PTPRO: variants seen among roughly 807,000 people sequenced by gnomAD.
The protein encoded by PTPRO is protein tyrosine phosphatase receptor type O.
PTPRO carries 62 observed loss-of-function variants against 145.2 expected under a neutral mutation model. The observed-to-expected ratio is 0.43, with a 90% CI of 0.35 to 0.53. The LOEUF is 0.53. Ranked by LOEUF, PTPRO falls within the 20% of genes least tolerant of loss-of-function variation. The pLI, the probability that PTPRO is intolerant of heterozygous loss-of-function variation, is 0.01. For missense variants in PTPRO, 1,345 were observed against 1,482.7 expected, an observed-to-expected ratio of 0.91 and a Z score of 1.53; for synonymous variants, 565 against 514.7, an observed-to-expected ratio of 1.10 and a Z score of -1.32.
At chr12:15,581,548 C>A in intron 22 of PTPRO, 131 bp from the exon 23 acceptor site, 15 of 1,032,398 alleles carry the variant, frequency 1.5e-5, no homozygotes, top group Non-Finnish European at 2.0e-5. Context: ...AAATGGTTTG[C>A]TTTATGTTTC....
At chr12:15,458,436 C>T (rs1121612) in intron 1 of PTPRO, among the ~76,000 whole-genome samples, 134,677 of 151,982 alleles carry the variant, frequency 0.89, 61,505 homozygotes, top group Non-Finnish European at 0.99. Context: ...TTTCTTTCCA[C>T]TTCTGTCTCT....
At chr12:15,566,993 A>G (rs1943915879) in intron 18 of PTPRO, among the ~76,000 whole-genome samples, 1 of 152,186 alleles carries the variant, frequency 6.6e-6, no homozygotes, top group South Asian at 2.1e-4. Flanking sequence ...GGTGAGCTAA[A>G]GAGGCAGAGA....
At chr12:15,508,497 T>G in intron 6 of PTPRO, 74 bp from the exon 7 acceptor site, 1 of 1,463,802 alleles carries the variant, frequency 6.8e-7, no homozygotes, top group South Asian at 1.2e-5. Context: ...AAAACATGAT[T>G]TTTTAAACCA....
intron 1 of PTPRO, among the ~76,000 whole-genome samples, chr12:15,383,184 C>A (rs1938918293): frequency 6.6e-6 from 1 of 152,166 alleles, no homozygotes; most frequent in Admixed American, 6.5e-5. Context: ...AGTTTGACTT[C>A]TTTTTGATTC....
At position 15,551,665 on chromosome 12, in the gene PTPRO, T is replaced by C. The variant is rs1434184399; in HGVS notation, c.2552T>C (p.Met851Thr). 1 of 1,613,224 alleles carries C rather than the reference T, an allele frequency of 6.2e-7. No homozygotes were observed. Among genetic ancestry groups the C allele is most frequent in the Non-Finnish European group, 8.5e-7 (1 of 1,179,530 alleles). ...LIILRKKHLQ[M>T]ARECGAGTFV... is the part of the protein sequence containing the mutation. ...ATTCTTAGGAAAAAGCATCTGCAGA[T>C]GGCTAGGTAAGTTAAGTTTTACTAA... The change falls in exon 15 of 27, where the codon ATG becomes ACG. Residue 851 changes from methionine to threonine, a missense_variant. Met to Thr is a moderately conservative substitution (Grantham distance 81, BLOSUM62 -1). Coordinates refer to ENST00000281171, the MANE Select transcript of PTPRO (RefSeq NM_030667.3).
In PTPRO at chr12:15,566,646, C is replaced by G. The variant is rs534798124; in HGVS notation, c.2747+1018C>G. Reference sequence around the variant, plus strand: ...AGTGATTCTCCTGCCTCAGCCTCCCCAGTAGCTAATACTACAGGCACACGC... The same window carrying G: ...AGTGATTCTCCTGCCTCAGCCTCCCGAGTAGCTAATACTACAGGCACACGC... On this transcript the variant is annotated intron_variant, in intron 18 of 26. Transcript: ENST00000281171. Among the ~76,000 whole-genome samples the G allele has an allele frequency of 2.0e-5, 3 of 152,122 alleles. No homozygotes were observed. The South Asian group carries it at 6.2e-4, about 32-fold the overall frequency.
intron 7 of PTPRO, among the ~76,000 whole-genome samples, chr12:15,513,106 A>AG: frequency 8.7e-5 from 1 of 11,518 alleles, no homozygotes; most frequent in African/African-American, 1.9e-4. Flanking sequence ...AAAGAAAGAA[A>AG]GAAAGGAAGG....
chr12:15,583,494 C>CAA (rs1157700504), intron 23 of PTPRO, among the ~76,000 whole-genome samples: 2 of 145,036 alleles, frequency 1.4e-5, no homozygotes, highest in South Asian at 4.4e-4. Flanking sequence ...CACACACACA[C>CAA]ACACAAAAAA....
At chr12:15,589,976 C>A (rs1194061367) in intron 25 of PTPRO, among the ~76,000 whole-genome samples, 1 of 152,092 alleles carries the variant, frequency 6.6e-6, no homozygotes. Flanking sequence ...ATACATTTGT[C>A]ATTAGTTTAT....
At chr12:15,441,085 A>G (rs115045127) in intron 1 of PTPRO, among the ~76,000 whole-genome samples, 7,842 of 152,272 alleles carry the variant, frequency 0.051, 619 homozygotes, top group African/African-American at 0.17. Context: ...CACATGGAAC[A>G]TACTCCAAGA....
intron 12 of PTPRO, among the ~76,000 whole-genome samples, chr12:15,537,560 C>T (rs1352333508): frequency 6.6e-6 from 1 of 152,026 alleles, no homozygotes; most frequent in Non-Finnish European, 1.5e-5. Flanking sequence ...GCCCAGAAGT[C>T]ACTGGTGATT....
intron 2 of PTPRO, among the ~76,000 whole-genome samples, chr12:15,486,600 T>A (rs891626912): frequency 5.3e-4 from 80 of 152,228 alleles, no homozygotes; most frequent in African/African-American, 1.9e-3. Flanking sequence ...AAAATGCTTT[T>A]TAAAAAGGTG....
chr12:15,588,790 T>C (rs751110047), intron 24 of PTPRO, among the ~76,000 whole-genome samples: 10 of 152,172 alleles, frequency 6.6e-5, no homozygotes, highest in Admixed American at 5.2e-4. Flanking sequence ...ATTGTTTATG[T>C]GTATCAGCTC....
At chr12:15,540,839 G>C (rs548762788) in intron 12 of PTPRO, among the ~76,000 whole-genome samples, 14 of 152,310 alleles carry the variant, frequency 9.2e-5, no homozygotes, top group African/African-American at 3.4e-4. Context: ...TGGCCTTGCA[G>C]CCTTCCAGTC....
intron 25 of PTPRO, among the ~76,000 whole-genome samples, chr12:15,594,362 T>A (rs1944613675): frequency 1.3e-5 from 2 of 151,766 alleles, no homozygotes; most frequent in Admixed American, 1.3e-4. Context: ...TTTTTCAAAA[T>A]AGCCCCATGA....
chr12:15,520,324 G>A lies in PTPRO; in HGVS notation c.1891+12G>A, dbSNP rs1942689460. The A allele has an allele frequency of 6.4e-7, 1 of 1,571,600 alleles. No homozygotes were observed. The highest frequency in any genetic ancestry group is 1.1e-5 in the South Asian group (1 of 90,208). ...CAGCTTCATAACAGGTGAGGCATGTGTGGGGAACAGTTCCACAAGGAGAGA... is the reference window on the plus strand; with the variant it reads ...CAGCTTCATAACAGGTGAGGCATGTATGGGGAACAGTTCCACAAGGAGAGA... On this transcript the variant is annotated intron_variant, in intron 10 of 26. Coordinates refer to ENST00000281171, the MANE Select transcript of PTPRO (RefSeq NM_030667.3).
intron 12 of PTPRO, among the ~76,000 whole-genome samples, chr12:15,531,948 T>A (rs1285600512): frequency 6.6e-6 from 1 of 152,184 alleles, no homozygotes; most frequent in Non-Finnish European, 1.5e-5. Flanking sequence ...AAGTAAAGAC[T>A]AATTCGTGGT....
chr12:15,469,665 G>A (rs563871415), intron 1 of PTPRO, among the ~76,000 whole-genome samples: 3 of 150,232 alleles, frequency 2.0e-5, no homozygotes, highest in Admixed American at 6.7e-5. Flanking sequence ...GACTGCTCTT[G>A]TTCGTGATGC....
At chr12:15,426,538 T>TA (rs1236917122) in intron 1 of PTPRO, among the ~76,000 whole-genome samples, 38 of 152,106 alleles carry the variant, frequency 2.5e-4, no homozygotes, top group African/African-American at 8.9e-4. Flanking sequence ...GTTTGATTTT[T>TA]ATTCCTAGAC....
Sources: gnomAD v4.1 joint callset for allele counts (sites outside exome capture counted in the v4.1 genomes callset) on GRCh38, gnomAD v4.1.1 for gene constraint, MANE v1.5 for transcripts, NCBI Gene and HGNC (gene_info 2026-07-23, HGNC 2026-07-21) for gene names.